Variants in IQUB observed in about 807,000 individuals in gnomAD.
The protein encoded by IQUB is IQ motif and ubiquitin-like domain-containing protein.
A neutral mutation model predicts 86.4 loss-of-function variants in IQUB; 86 were observed. The ratio of observed to expected loss-of-function variants is 1.00; its 90% CI spans 0.84 to 1.19. The LOEUF (loss-of-function observed/expected upper bound fraction) is 1.19, where lower values mean the gene tolerates loss of function less well. Ranked by LOEUF, IQUB falls within the 50% of genes most tolerant of loss-of-function variation. IQUB has a pLI of 0.00. For missense variants in IQUB, 946 were observed against 916.9 expected, an observed-to-expected ratio of 1.03 and a Z score of -0.41; for synonymous variants, 289 against 304.5, an observed-to-expected ratio of 0.95 and a Z score of 0.53.
chr7:123,499,580 T>C (rs1795851474), intron 6 of IQUB, among the ~76,000 whole-genome samples: 1 of 151,984 alleles, frequency 6.6e-6, no homozygotes, highest in African/African-American at 2.4e-5. Flanking sequence ...ATACCAAGGA[T>C]AAAGTGAAAA....
chr7:123,453,030 G>A (rs1266389098), intron 12 of IQUB, 105 bp from the exon 13 acceptor site: 3 of 785,494 alleles, frequency 3.8e-6, no homozygotes, highest in Admixed American at 5.7e-5. Context: ...TTTCATCCCA[G>A]ACTACCTTTA....
At chr7:123,477,436 T>G (rs1363949330) in intron 8 of IQUB, among the ~76,000 whole-genome samples, 2 of 152,046 alleles carry the variant, frequency 1.3e-5, no homozygotes, top group African/African-American at 4.8e-5. Context: ...ATACAAAAAT[T>G]AATTCAAGAT....
intron 1 of IQUB, among the ~76,000 whole-genome samples, chr7:123,518,321 A>G (rs1392270151): frequency 6.6e-6 from 1 of 151,780 alleles, no homozygotes; most frequent in African/African-American, 2.4e-5. Context: ...TACCCCACCA[A>G]CCCCTGCCAA....
chr7:123,465,084 A>G (rs1230999782), intron 9 of IQUB, 75 bp from the exon 10 acceptor site: 3 of 937,474 alleles, frequency 3.2e-6, no homozygotes, highest in Non-Finnish European at 1.7e-6. Flanking sequence ...CCACCAAAAC[A>G]AACCAAAATC....
intron 7 of IQUB, among the ~76,000 whole-genome samples, chr7:123,485,753 T>C (rs946151127): frequency 6.6e-6 from 1 of 152,200 alleles, no homozygotes; most frequent in East Asian, 1.9e-4. Context: ...TGCATCTGCA[T>C]GTTAAAATTC....
At position 123,461,345 on chromosome 7, in the gene IQUB, T is replaced by A; in HGVS notation, c.2007+12A>T. ...AGCTTCAGCTATAATTGGCACCCCTTATTGACCATACCTGCATCAAGAAAG... is the reference window on the plus strand; with the variant it reads ...AGCTTCAGCTATAATTGGCACCCCTAATTGACCATACCTGCATCAAGAAAG... On this transcript the variant is annotated intron_variant, in intron 11 of 12. Coordinates refer to ENST00000324698, the MANE Select transcript of IQUB (RefSeq NM_178827.5). 1 of 1,594,262 alleles carries A rather than the reference T, an allele frequency of 6.3e-7. No homozygotes were observed. Among genetic ancestry groups the A allele is most frequent in the Non-Finnish European group, 8.6e-7 (1 of 1,166,844 alleles).
intron 7 of IQUB, among the ~76,000 whole-genome samples, chr7:123,489,039 A>C (rs1161337449): frequency 1.3e-5 from 2 of 152,208 alleles, no homozygotes; most frequent in African/African-American, 4.8e-5. Flanking sequence ...AATATACTAC[A>C]AAATGTATGA....
chr7:123,466,322 C>A (rs1418839207), intron 9 of IQUB, among the ~76,000 whole-genome samples: 3 of 152,022 alleles, frequency 2.0e-5, no homozygotes, highest in Non-Finnish European at 4.4e-5. Context: ...TTTTATGAGT[C>A]CATCCTTTGG....
At chr7:123,507,550 G>A (rs1405266355) in intron 3 of IQUB, among the ~76,000 whole-genome samples, 1 of 152,110 alleles carries the variant, frequency 6.6e-6, no homozygotes, top group Non-Finnish European at 1.5e-5. Context: ...TAAGATCTTT[G>A]AGTTTCTACT....
intron 1 of IQUB, among the ~76,000 whole-genome samples, chr7:123,515,944 G>A (rs933281550): frequency 3.9e-5 from 6 of 152,188 alleles, no homozygotes; most frequent in Admixed American, 6.5e-5. Context: ...ACAGAAGGAT[G>A]TGGGGATTTT....
At position 123,479,864 on chromosome 7, in the gene IQUB, G is replaced by A; in HGVS notation, c.1341C>T (p.Ser447=). ...AAGCAATGTATCTATGTCTCCCAAT[G>A]GAAGCAATTATCTGAGTCTCTTTTT... ...LLEKETQIIA[S]IGRHRYIAYM... Residue 447 remains serine (S), a synonymous_variant, in exon 8 of 13, where the codon TCC becomes TCT. Coordinates refer to ENST00000324698, the MANE Select transcript of IQUB (RefSeq NM_178827.5). The A allele has an allele frequency of 6.2e-7, 1 of 1,612,882 alleles. No homozygotes were observed. Among genetic ancestry groups the A allele is most frequent in the Non-Finnish European group, 8.5e-7 (1 of 1,179,348 alleles).
At chr7:123,486,658 A>G (rs1215189833) in intron 7 of IQUB, among the ~76,000 whole-genome samples, 1 of 152,166 alleles carries the variant, frequency 6.6e-6, no homozygotes, top group Non-Finnish European at 1.5e-5. Context: ...TATAATTAAC[A>G]CTATCATATT....
intron 1 of IQUB, among the ~76,000 whole-genome samples, chr7:123,513,676 T>G (rs1049497644): frequency 1.3e-5 from 2 of 152,100 alleles, no homozygotes; most frequent in African/African-American, 4.8e-5. Flanking sequence ...TGAGACAGAG[T>G]ATTGCTCTGT....
At chr7:123,531,064 TCA>T (rs1205210949) in intron 1 of IQUB, among the ~76,000 whole-genome samples, 1 of 152,054 alleles carries the variant, frequency 6.6e-6, no homozygotes, top group African/African-American at 2.4e-5. Flanking sequence ...TTGCTTAAGA[TCA>T]CAGAGTGCAT....
chr7:123,465,895 T>C (rs752604201), intron 9 of IQUB, among the ~76,000 whole-genome samples: 10 of 152,094 alleles, frequency 6.6e-5, no homozygotes, highest in Non-Finnish European at 1.2e-4. Flanking sequence ...TATACTCATT[T>C]ATGCTCATAT....
intron 12 of IQUB, among the ~76,000 whole-genome samples, chr7:123,453,584 G>T (rs1408460280): frequency 5.3e-5 from 8 of 151,840 alleles, no homozygotes; most frequent in Non-Finnish European, 1.2e-4. Flanking sequence ...CTATCACTAA[G>T]AGCCCACCAA....
intron 10 of IQUB, chr7:123,462,786 A>AGAT: frequency 4.4e-6 from 2 of 454,486 alleles, no homozygotes; most frequent in Non-Finnish European, 8.9e-6. Context: ...TCTCCATTAT[A>AGAT]GATGGAGCAT....
intron 6 of IQUB, chr7:123,502,228 A>T (rs1795978600): frequency 5.2e-6 from 1 of 192,152 alleles, no homozygotes; most frequent in Admixed American, 6.3e-5. Context: ...CGGCTATGTT[A>T]ATATCAGAGA....
At chr7:123,473,546 C>G (rs1486755205) in intron 8 of IQUB, among the ~76,000 whole-genome samples, 1 of 151,994 alleles carries the variant, frequency 6.6e-6, no homozygotes, top group African/African-American at 2.4e-5. Flanking sequence ...TCACCTCTGT[C>G]AAGCTTTGTG....
Sources: gnomAD v4.1 joint callset for allele counts (sites outside exome capture counted in the v4.1 genomes callset) on GRCh38, gnomAD v4.1.1 for gene constraint, MANE v1.5 for transcripts, NCBI Gene and HGNC (gene_info 2026-07-23, HGNC 2026-07-21) for gene names.